PRKCH: variants seen among roughly 807,000 people sequenced by gnomAD.
The protein encoded by PRKCH is protein kinase C eta type.
A neutral mutation model predicts 82.5 loss-of-function variants in PRKCH; 28 were observed. The ratio of observed to expected loss-of-function variants is 0.34; its 90% confidence interval spans 0.25 to 0.47. The LOEUF is 0.47. Ranked by LOEUF, PRKCH falls within the 20% of genes least tolerant of loss-of-function variation. The pLI, the probability that PRKCH is intolerant of heterozygous loss-of-function variation, is 1.00. For missense variants in PRKCH, 705 were observed against 881.8 expected, an observed-to-expected ratio of 0.80 and a Z score of 2.54; for synonymous variants, 322 against 327.4, an observed-to-expected ratio of 0.98 and a Z score of 0.18.
intron 1 of PRKCH, among the ~76,000 whole-genome samples, chr14:61,329,835 A>G (rs1006769169): frequency 1.3e-5 from 2 of 152,130 alleles, no homozygotes; most frequent in African/African-American, 4.8e-5. Context: ...GGACGTATGA[A>G]TGGATTGGCC....
chr14:61,434,010 A>G (rs933886025), intron 2 of PRKCH, among the ~76,000 whole-genome samples: 1 of 152,240 alleles, frequency 6.6e-6, no homozygotes, highest in Non-Finnish European at 1.5e-5. Context: ...GAGATCTTAC[A>G]TGGTGCCTCT....
chr14:61,226,831 C>T (rs2044700203), intron 1 of PRKCH, among the ~76,000 whole-genome samples: 1 of 151,982 alleles, frequency 6.6e-6, no homozygotes. Flanking sequence ...GAATAGGCTC[C>T]CCCACCCAAA....
intron 1 of PRKCH, among the ~76,000 whole-genome samples, chr14:61,203,184 C>T (rs1300922711): frequency 6.6e-6 from 1 of 152,038 alleles, no homozygotes; most frequent in Non-Finnish European, 1.5e-5. Flanking sequence ...CTTCAAGCAC[C>T]TCATATCCTG....
At position 61,321,902 on chromosome 14, in the gene PRKCH, A is replaced by C; in HGVS notation, c.-200A>C. ...TCGGCGGCGGGCTCCCCTCCTTTCCACCTCGGGAGGGAGGGAAGGAGGGGA... is the reference window on the plus strand; with the variant it reads ...TCGGCGGCGGGCTCCCCTCCTTTCCCCCTCGGGAGGGAGGGAAGGAGGGGA... On this transcript the variant is annotated 5_prime_UTR_variant, in exon 1 of 14. Transcript: ENST00000332981. The surrounding 1 kb of genome is among the most constrained non-coding windows in gnomAD (Gnocchi z 4.1). 5.8e-6 allele frequency: 3 copies of C among 521,548 alleles called. No homozygotes were observed. The highest frequency in any genetic ancestry group is 2.7e-5 in the South Asian group (1 of 36,552). The allele number at this position is 521,548 out of a possible 1,614,324, so 32.3% of individuals were successfully genotyped here.
intron 2 of PRKCH, among the ~76,000 whole-genome samples, chr14:61,418,376 A>G (rs1301946510): frequency 6.6e-6 from 1 of 152,232 alleles, no homozygotes; most frequent in Non-Finnish European, 1.5e-5. Flanking sequence ...GTGATCATCA[A>G]AATAAATTTT....
intron 1 of PRKCH, among the ~76,000 whole-genome samples, chr14:61,208,498 A>G (rs1313245547): frequency 6.6e-6 from 1 of 152,206 alleles, no homozygotes; most frequent in Non-Finnish European, 1.5e-5. Flanking sequence ...CAAGCTGGAT[A>G]TTACCATTTT....
intron 10 of PRKCH, among the ~76,000 whole-genome samples, chr14:61,512,249 CTTTT>C (rs11342820): frequency 1.7e-5 from 2 of 118,516 alleles, no homozygotes; most frequent in Non-Finnish European, 3.4e-5. Flanking sequence ...TCACATGACC[CTTTT>C]TTTTTTTTTT....
chr14:61,533,993 A>T (rs1318868891), intron 12 of PRKCH, among the ~76,000 whole-genome samples: 1 of 152,188 alleles, frequency 6.6e-6, no homozygotes, highest in Middle Eastern at 3.2e-3. Context: ...AAGAAAACTT[A>T]GAGATTGTCC....
At chr14:61,315,790 C>G (rs2045557752) in intron 1 of PRKCH, among the ~76,000 whole-genome samples, 1 of 150,950 alleles carries the variant, frequency 6.6e-6, no homozygotes, top group Non-Finnish European at 1.5e-5. Flanking sequence ...CTCTGTCACC[C>G]AGGCTGGAGT....
intron 1 of PRKCH, among the ~76,000 whole-genome samples, chr14:61,289,229 G>C (rs1440871969): frequency 6.6e-6 from 1 of 152,180 alleles, no homozygotes; most frequent in Non-Finnish European, 1.5e-5. Flanking sequence ...AAAGGAAGGG[G>C]ACCAGCATGA....
chr14:61,228,856 C>A, intron 1 of PRKCH, among the ~76,000 whole-genome samples: 1 of 151,824 alleles, frequency 6.6e-6, no homozygotes, highest in East Asian at 1.9e-4. Flanking sequence ...GCCGGGGCAA[C>A]ATAGTGAGAT....
chr14:61,410,402 C>T (rs1356148373), intron 2 of PRKCH, among the ~76,000 whole-genome samples: 2 of 152,136 alleles, frequency 1.3e-5, no homozygotes, highest in Admixed American at 6.5e-5. Flanking sequence ...TTACTCTGCT[C>T]CATGCTGCCT....
chr14:61,455,411 A>T (rs952201514), intron 7 of PRKCH, among the ~76,000 whole-genome samples: 8 of 152,194 alleles, frequency 5.3e-5, no homozygotes, highest in African/African-American at 1.9e-4. Flanking sequence ...TAAATCAGCA[A>T]TGACTGTTAC....
At chr14:61,325,819 A>G (rs574484088) in intron 1 of PRKCH, among the ~76,000 whole-genome samples, 24 of 152,370 alleles carry the variant, frequency 1.6e-4, no homozygotes, top group East Asian at 5.8e-4. Context: ...AAATATTTCA[A>G]TAGGCACTCA....
intron 12 of PRKCH, 64 bp from the exon 13 acceptor site, chr14:61,547,679 C>A (rs1389172677): frequency 1.9e-6 from 3 of 1,557,486 alleles, no homozygotes; most frequent in African/African-American, 1.4e-5. Flanking sequence ...CTGATGCCTG[C>A]TGTCTTGTGA....
chr14:61,427,350 G>T (rs573026725), intron 2 of PRKCH, among the ~76,000 whole-genome samples: 23 of 152,162 alleles, frequency 1.5e-4, no homozygotes, highest in African/African-American at 5.6e-4. Context: ...ATAGGTGTCA[G>T]CCCTTAGAGA....
At chr14:61,211,772 A>G (rs138988867) in intron 1 of PRKCH, among the ~76,000 whole-genome samples, 1 of 152,284 alleles carries the variant, frequency 6.6e-6, no homozygotes, top group East Asian at 1.9e-4. Flanking sequence ...CTCCACACTT[A>G]AGATTGCTCA....
intron 2 of PRKCH, among the ~76,000 whole-genome samples, chr14:61,439,244 T>C (rs1057430089): frequency 1.3e-5 from 2 of 152,138 alleles, no homozygotes. Context: ...AATGAGGAAG[T>C]TCCCTCTGCA....
At position 61,426,266 on chromosome 14, in the gene PRKCH, T is replaced by C. The variant is rs148178142; in HGVS notation, c.428-16845T>C. ...TTTACATGTCGCTGCTTGTTCCTTC[T>C]ACCCATGGCCTACACACACTGCCAA... On this transcript the variant is annotated intron_variant, in intron 2 of 13. Coordinates refer to ENST00000332981, the MANE Select transcript of PRKCH (RefSeq NM_006255.5). Among the ~76,000 whole-genome samples, 10 of 152,362 alleles carry C rather than the reference T, an allele frequency of 6.6e-5. No individual in the cohort carries two copies. In the East Asian group the frequency reaches 1.3e-3, roughly 21 times the overall value.
Sources: allele counts gnomAD v4.1 joint callset (sites outside exome capture counted in the v4.1 genomes callset), GRCh38; gene constraint gnomAD v4.1.1; non-coding constraint Gnocchi (gnomAD v3.1); transcripts MANE v1.5; gene names NCBI Gene and HGNC (gene_info 2026-07-23, HGNC 2026-07-21).